Variants in RUNX2 observed in about 807,000 individuals in gnomAD.
RUNX2 encodes RUNX family transcription factor 2, also known as runt-related transcription factor 2.
In RUNX2, 10 loss-of-function variants were observed where a neutral mutation model predicts 51.7. That is an observed-to-expected ratio of 0.19 (90% CI 0.12 to 0.33). RUNX2 has a LOEUF of 0.33. RUNX2 is among the 10% of genes least tolerant of loss of function. The probability of loss-of-function intolerance (pLI) is 1.00; values close to 1 mark genes in which losing one functional copy is unlikely to be tolerated. For missense variants in RUNX2, 562 were observed against 691.3 expected, an observed-to-expected ratio of 0.81 and a Z score of 2.10; for synonymous variants, 276 against 273.6, an observed-to-expected ratio of 1.01 and a Z score of -0.09.
chr6:45,502,712 C>T (rs916771800), intron 6 of RUNX2, among the ~76,000 whole-genome samples: 17 of 152,212 alleles, frequency 1.1e-4, no homozygotes, highest in African/African-American at 2.4e-4. Flanking sequence ...CTTTCCTGCA[C>T]GCCTGGTCCT....
chr6:45,502,421 G>A (rs1456684006), intron 6 of RUNX2, among the ~76,000 whole-genome samples: 1 of 152,028 alleles, frequency 6.6e-6, no homozygotes, highest in African/African-American at 2.4e-5. Flanking sequence ...ACATCACCTG[G>A]GGAGCTTGTT....
At chr6:45,416,426 G>C (rs1176200803) in intron 2 of RUNX2, among the ~76,000 whole-genome samples, 1 of 152,206 alleles carries the variant, frequency 6.6e-6, no homozygotes, top group African/African-American at 2.4e-5. Context: ...AGTGAGATTA[G>C]AATAGGATAG....
chr6:45,477,854 G>A (rs1283134111), intron 5 of RUNX2, among the ~76,000 whole-genome samples: 1 of 152,168 alleles, frequency 6.6e-6, no homozygotes, highest in African/African-American at 2.4e-5. Flanking sequence ...ATACTTCAGT[G>A]TCTCCCTGTT....
At chr6:45,368,377 T>C (rs1332331876) in intron 2 of RUNX2, among the ~76,000 whole-genome samples, 1 of 152,176 alleles carries the variant, frequency 6.6e-6, no homozygotes, top group African/African-American at 2.4e-5. Flanking sequence ...GGCATTTACC[T>C]TTCAATTTAA....
chr6:45,351,170 T>C (rs1230818186), intron 2 of RUNX2, among the ~76,000 whole-genome samples: 1 of 152,056 alleles, frequency 6.6e-6, no homozygotes, highest in East Asian at 1.9e-4. Context: ...ACCACTGTAA[T>C]AGCTGGTCAC....
At position 45,547,046 on chromosome 6, in the gene RUNX2, C is replaced by A. The variant is rs751887748; in HGVS notation, c.1307C>A (p.Pro436His). 2 of 1,614,124 alleles carry A rather than the reference C, an allele frequency of 1.2e-6. No homozygotes were observed. Among genetic ancestry groups the A allele is most frequent in the South Asian group, 1.1e-5 (1 of 91,078 alleles). Residue 436 changes from proline (P) to histidine (H), a missense_variant, in exon 9 of 9, where the codon CCC (proline) becomes CAC (histidine). By Grantham distance (77) the Pro-to-His change is moderately conservative (BLOSUM62 -2). Transcript: ENST00000647337. ...GGCTCTTCCCAAAGCCAGAGTGGAC[C>A]CTTCCAGACCAGCAGCACTCCATAT... is the stretch of plus-strand genomic sequence containing the variant. ...YPGSSQSQSGPFQTSSTPYLY... is the reference protein window; with the variant it reads ...YPGSSQSQSGHFQTSSTPYLY...
rs1009436300 is a variant in RUNX2 at position 45,550,965 on chromosome 6, C to T, written c.*3660C>T. 6.5e-6 allele frequency: 1 copy of T among 152,750 alleles called. No individual in the cohort carries two copies. Among genetic ancestry groups the T allele is most frequent in the East Asian group, 1.9e-4 (1 of 5,188 alleles). The allele number at this position is 152,750 out of a possible 1,614,324, so 9.5% of individuals were successfully genotyped here. Reference sequence around the variant, plus strand: ...GAGTTTACTCTTAACTTCAAAGGGACTATTTGTATTGTATGTTGCAACTGT... The same window carrying T: ...GAGTTTACTCTTAACTTCAAAGGGATTATTTGTATTGTATGTTGCAACTGT... On this transcript the variant is annotated 3_prime_UTR_variant, in exon 9 of 9. Transcript: ENST00000647337.
chr6:45,422,541 C>T, intron 2 of RUNX2, 52 bp from the exon 3 acceptor site: 1 of 1,547,054 alleles, frequency 6.5e-7, no homozygotes, highest in East Asian at 2.6e-5. Flanking sequence ...CCTCCTCCCC[C>T]TCCCCCGGCC....
intron 2 of RUNX2, chr6:45,377,344 C>T (rs952137245): frequency 2.6e-5 from 4 of 152,194 alleles, no homozygotes; most frequent in Non-Finnish European, 5.9e-5. Flanking sequence ...TTTCCTCTTT[C>T]TGGATGCTAC....
At chr6:45,491,905 T>C in intron 5 of RUNX2, 36 bp from the exon 6 acceptor site, 8 of 1,605,314 alleles carry the variant, frequency 5.0e-6, no homozygotes, top group Non-Finnish European at 6.0e-6. Context: ...GTTCAGCTAA[T>C]TAATATGCTT....
chr6:45,371,789 C>T (rs1796107165), intron 2 of RUNX2: 10 of 973,582 alleles, frequency 1.0e-5, no homozygotes, highest in Non-Finnish European at 1.2e-5. Context: ...AACAGACAAA[C>T]ATATATGCAA....
chr6:45,373,831 G>A (rs1796423372), intron 2 of RUNX2, among the ~76,000 whole-genome samples: 2 of 152,130 alleles, frequency 1.3e-5, no homozygotes, highest in South Asian at 2.1e-4. Flanking sequence ...GGGATTACAG[G>A]TGTGAGCCAC....
chr6:45,415,049 G>A (rs1244969820), intron 2 of RUNX2, among the ~76,000 whole-genome samples: 1 of 151,920 alleles, frequency 6.6e-6, no homozygotes, highest in East Asian at 1.9e-4. Context: ...GATGTGATAT[G>A]GTGTTGGAAA....
At chr6:45,338,352 AAAAAT>A (rs1789031463) in intron 2 of RUNX2, among the ~76,000 whole-genome samples, 1 of 152,128 alleles carries the variant, frequency 6.6e-6, no homozygotes, top group African/African-American at 2.4e-5. Flanking sequence ...CATAAAAAAA[AAAAAT>A]TATAGGCAAC....
chr6:45,512,991 T>C (rs1801205325), intron 7 of RUNX2, among the ~76,000 whole-genome samples: 1 of 152,172 alleles, frequency 6.6e-6, no homozygotes, highest in South Asian at 2.1e-4. Flanking sequence ...TGAAACATAA[T>C]GCATGCTGCT....
chr6:45,445,267 A>G (rs981610116), intron 5 of RUNX2, among the ~76,000 whole-genome samples: 1 of 151,902 alleles, frequency 6.6e-6, no homozygotes, highest in Non-Finnish European at 1.5e-5. Flanking sequence ...CTGGTGATTC[A>G]CCCGCCTCAG....
chr6:45,515,885 T>A (rs1443819157), intron 7 of RUNX2, among the ~76,000 whole-genome samples: 1 of 152,172 alleles, frequency 6.6e-6, no homozygotes, highest in Non-Finnish European at 1.5e-5. Flanking sequence ...CAAGGGATCA[T>A]AGGAATAGAA....
intron 2 of RUNX2, among the ~76,000 whole-genome samples, chr6:45,372,216 T>C (rs1260817784): frequency 6.6e-6 from 1 of 152,200 alleles, no homozygotes; most frequent in East Asian, 1.9e-4. Flanking sequence ...CCTCACTGCC[T>C]CAGTTCCCTC....
chr6:45,369,263 TTC>T lies in RUNX2; in HGVS notation c.58+40485_58+40486del, dbSNP rs148867617. Among the ~76,000 whole-genome samples the T allele has an allele frequency of 5.3e-3, 802 of 152,196 alleles. 11 individuals are homozygous for T. The highest frequency in any genetic ancestry group is 0.019 in the African/African-American group (770 of 41,532). On this transcript the variant is annotated intron_variant, in intron 2 of 8. Transcript: ENST00000647337. ...TTCTTTTGAACCTTTACCCCTACAG[TTC>T]TCTCTACTTGCAATACCTTTTGAAA...
Sources: gnomAD v4.1 joint callset for allele counts (sites outside exome capture counted in the v4.1 genomes callset) on GRCh38, gnomAD v4.1.1 for gene constraint, MANE v1.5 for transcripts, NCBI Gene and HGNC (gene_info 2026-07-23, HGNC 2026-07-21) for gene names.